Variants in NLGN1 observed in about 807,000 individuals in gnomAD.
NLGN1 encodes neuroligin 1.
NLGN1 carries 12 observed loss-of-function variants against 65.5 expected under a neutral mutation model. That is an observed-to-expected ratio of 0.18 (90% CI 0.12 to 0.30). The LOEUF is 0.30. NLGN1 is among the 10% of genes least tolerant of loss of function. The pLI is 1.00. For missense variants in NLGN1, 750 were observed against 1,007.1 expected, an observed-to-expected ratio of 0.74 and a Z score of 3.46; for synonymous variants, 350 against 359.5, an observed-to-expected ratio of 0.97 and a Z score of 0.30.
intron 4 of NLGN1, among the ~76,000 whole-genome samples, chr3:173,986,393 C>T (rs150164222): frequency 9.1e-4 from 138 of 151,908 alleles, no homozygotes; most frequent in African/African-American, 3.1e-3. Context: ...CGCTCAAACC[C>T]AGGAGGCAGA....
chr3:173,681,207 A>T (rs1183484303), intron 3 of NLGN1, among the ~76,000 whole-genome samples: 2 of 152,156 alleles, frequency 1.3e-5, no homozygotes, highest in African/African-American at 4.8e-5. Context: ...TCAGAGTACT[A>T]TTTTTTTAAT....
At chr3:173,717,909 G>T (rs1212941614) in intron 3 of NLGN1, among the ~76,000 whole-genome samples, 1 of 151,934 alleles carries the variant, frequency 6.6e-6, no homozygotes, top group Non-Finnish European at 1.5e-5. Context: ...CAAGGGTAAG[G>T]GTGCTTATTA....
At chr3:173,890,552 G>C (rs558690352) in intron 4 of NLGN1, among the ~76,000 whole-genome samples, 7 of 152,260 alleles carry the variant, frequency 4.6e-5, no homozygotes, top group South Asian at 4.1e-4. Context: ...ATGTGTGAAA[G>C]GTGGTCATTT....
chr3:173,919,388 T>A (rs960448718), intron 4 of NLGN1, among the ~76,000 whole-genome samples: 7 of 152,236 alleles, frequency 4.6e-5, no homozygotes, highest in African/African-American at 1.7e-4. Flanking sequence ...CAGAAAAAAA[T>A]TTTCTTGGGT....
intron 4 of NLGN1, among the ~76,000 whole-genome samples, chr3:174,234,730 G>A (rs1450975737): frequency 6.6e-6 from 1 of 152,092 alleles, no homozygotes; most frequent in South Asian, 2.1e-4. Flanking sequence ...GCCCTCTCCT[G>A]CTCTGTTCAT....
intron 4 of NLGN1, among the ~76,000 whole-genome samples, chr3:174,043,930 C>T (rs1292945310): frequency 6.6e-6 from 1 of 152,202 alleles, no homozygotes; most frequent in Admixed American, 6.5e-5. Flanking sequence ...ACACTTCTAC[C>T]TAGACATCCA....
At chr3:174,092,873 T>C (rs1744785598) in intron 4 of NLGN1, among the ~76,000 whole-genome samples, 1 of 152,194 alleles carries the variant, frequency 6.6e-6, no homozygotes, top group Admixed American at 6.5e-5. Context: ...AAATCTGTTC[T>C]CTGTCTCCCT....
chr3:173,632,802 TAGAC>T (rs1221455259), intron 3 of NLGN1, among the ~76,000 whole-genome samples: 1 of 151,024 alleles, frequency 6.6e-6, no homozygotes, highest in African/African-American at 2.4e-5. Flanking sequence ...ATTGTATAAA[TAGAC>T]AGGATTTTAG....
chr3:173,788,120 A>G (rs1711618933), intron 3 of NLGN1, among the ~76,000 whole-genome samples: 1 of 151,352 alleles, frequency 6.6e-6, no homozygotes, highest in Non-Finnish European at 1.5e-5. Flanking sequence ...GTATTATTAC[A>G]ATGGAAATAA....
chr3:173,429,404 A>G (rs1288842738), intron 1 of NLGN1, among the ~76,000 whole-genome samples: 3 of 152,102 alleles, frequency 2.0e-5, no homozygotes, highest in Admixed American at 6.5e-5. Context: ...TTACTGTGTT[A>G]TCTTGGAGTT....
chr3:173,592,170 A>G (rs531121759), intron 2 of NLGN1, among the ~76,000 whole-genome samples: 1 of 152,136 alleles, frequency 6.6e-6, no homozygotes, highest in Non-Finnish European at 1.5e-5. Context: ...TAGATTCTAG[A>G]TTTAACAATT....
At chr3:173,688,690 T>C (rs1433202344) in intron 3 of NLGN1, among the ~76,000 whole-genome samples, 1 of 152,222 alleles carries the variant, frequency 6.6e-6, no homozygotes, top group Non-Finnish European at 1.5e-5. Flanking sequence ...AAACTAATCT[T>C]GCTTTCTCCT....
Position 174,195,256 on chromosome 3 carries a change from T to C in NLGN1, c.647-80059T>C, listed in dbSNP as rs543235411. 2.6e-5 allele frequency among the ~76,000 whole-genome samples: 4 copies of C among 152,316 alleles called. No homozygotes were observed. In the East Asian group the frequency reaches 7.7e-4, roughly 29 times the overall value. ...CCTTCCCATCATATATAGTAATTGT[T>C]GAAGAGTTATGTTCAAAATAGAATA... On this transcript the variant is annotated intron_variant, in intron 4 of 6. Coordinates refer to ENST00000457714, the Ensembl canonical transcript of NLGN1.
chr3:173,991,786 G>T (rs1418236944), intron 4 of NLGN1, among the ~76,000 whole-genome samples: 1 of 151,862 alleles, frequency 6.6e-6, no homozygotes, highest in Non-Finnish European at 1.5e-5. Flanking sequence ...ATTATCTGGA[G>T]AACTTGTGTT....
At chr3:174,281,041 A>T (rs747525765) in exon 7 of NLGN1, 3 of 1,613,364 alleles carry the variant, frequency 1.9e-6, no homozygotes, top group Non-Finnish European at 2.5e-6. Context: ...CAAATGAAGC[A>T]CACTGATTTG....
chr3:174,265,313 T>C lies in NLGN1; in HGVS notation c.647-10002T>C, dbSNP rs574856153. On this transcript the variant is annotated intron_variant, in intron 4 of 6. Coordinates refer to ENST00000457714, the Ensembl canonical transcript of NLGN1. ...GCCTTGCAGTTTGATCTCAGACTGC[T>C]GTGCTAGCAATCAGTGAGACTCCGT... is the stretch of plus-strand genomic sequence containing the variant. Among the ~76,000 whole-genome samples, 776 of 151,676 alleles carry C rather than the reference T, an allele frequency of 5.1e-3. 6 individuals carry two copies. Among genetic ancestry groups the C allele is most frequent in the African/African-American group, 0.018 (731 of 41,248 alleles).
chr3:173,971,742 A>G (rs1326733835), intron 4 of NLGN1, among the ~76,000 whole-genome samples: 1 of 152,060 alleles, frequency 6.6e-6, no homozygotes, highest in Non-Finnish European at 1.5e-5. Flanking sequence ...CTGGTTCCTA[A>G]CTCATACCAA....
chr3:173,674,565 A>G (rs2149751848), intron 3 of NLGN1, among the ~76,000 whole-genome samples: 1 of 152,284 alleles, frequency 6.6e-6, no homozygotes, highest in Non-Finnish European at 1.5e-5. Context: ...ATTTAAAGTT[A>G]CAGGAACATT....
chr3:173,686,889 A>G (rs1252949886), intron 3 of NLGN1, among the ~76,000 whole-genome samples: 7 of 151,728 alleles, frequency 4.6e-5, no homozygotes, highest in Admixed American at 3.3e-4. Flanking sequence ...GCAGGTGGAG[A>G]TTGCAGTGAG....
Sources: gnomAD v4.1 joint callset for allele counts (sites outside exome capture counted in the v4.1 genomes callset) on GRCh38, gnomAD v4.1.1 for gene constraint, MANE v1.5 for transcripts, NCBI Gene and HGNC (gene_info 2026-07-23, HGNC 2026-07-21) for gene names.